Variants in SLC9A3 observed in about 807,000 individuals in gnomAD.
The protein encoded by SLC9A3 is solute carrier family 9 member A3.
Under a neutral mutation model 86.8 loss-of-function variants are expected in SLC9A3, and 37 were observed. The ratio of observed to expected loss-of-function variants is 0.43; its 90% CI spans 0.33 to 0.56. The LOEUF (loss-of-function observed/expected upper bound fraction) is 0.56, where lower values mean the gene tolerates loss of function less well. Ranked by LOEUF, SLC9A3 falls within the 20% of genes least tolerant of loss-of-function variation. SLC9A3 has a pLI of 0.06. For synonymous variants in SLC9A3, 581 were observed against 528.3 expected (o/e 1.10, Z -1.37); for missense variants, 1,011 against 1,171.9 (o/e 0.86, Z 2.00).
chr5:521,443 C>G (rs1733882798), intron 1 of SLC9A3, among the ~76,000 whole-genome samples: 1 of 152,218 alleles, frequency 6.6e-6, no homozygotes, highest in Admixed American at 6.5e-5. Flanking sequence ...ATTTCCCCAA[C>G]CAGGTTACAA....
rs143561941 is a variant in SLC9A3 at position 496,111 on chromosome 5, C to G, written c.212-4040G>C. On this transcript the variant is annotated intron_variant, in intron 1 of 16. Transcript: ENST00000264938. This position sits in a 1 kb window ranked among gnomAD's most constrained non-coding sequence, Gnocchi z 4.7. The stretch of plus-strand genomic sequence containing the variant: ...AAACATCCTCTGACCTTGGTAGTTA[C>G]TGAGAAAATATACATATATACGCAC... 4.5e-3 allele frequency among the ~76,000 whole-genome samples: 691 copies of G among 152,366 alleles called. 5 individuals are homozygous for G. The highest frequency in any genetic ancestry group is 0.016 in the African/African-American group (667 of 41,584).
chr5:480,927 G>T (rs1445316017), intron 9 of SLC9A3: 1 of 152,282 alleles, frequency 6.6e-6, no homozygotes, highest in Non-Finnish European at 1.5e-5. Context: ...GTCTCGCTCT[G>T]TCACCAGGCT....
rs536554381 is a variant in SLC9A3 at position 482,933 on chromosome 5, G to A, written c.1154-183C>T. Among the ~76,000 whole-genome samples the A allele has an allele frequency of 4.0e-4, 61 of 151,400 alleles. 1 individual carries two copies. In the East Asian group the frequency reaches 0.011, roughly 27 times the overall value. On this transcript the variant is annotated intron_variant, in intron 6 of 16. Transcript: ENST00000264938. ...CACCCGGAGCCACACGCGGCCTGGCGTCTCCCCCCCACGCTCCGTGCATCA... is the reference window on the plus strand; with the variant it reads ...CACCCGGAGCCACACGCGGCCTGGCATCTCCCCCCCACGCTCCGTGCATCA...
chr5:488,179 A>AG lies in SLC9A3; in HGVS notation c.675+136dup, dbSNP rs1012201867. 75 of 878,274 alleles carry AG rather than the reference A, an allele frequency of 8.5e-5. No homozygotes were observed. The African/African-American group carries it at 1.2e-3, about 14-fold the overall frequency. The allele number at this position is 878,274 out of a possible 1,614,324, so 54.4% of individuals were successfully genotyped here. On this transcript the variant is annotated intron_variant, in intron 3 of 16. Transcript: ENST00000264938. ...TTCTGAGCTGGGAGGAAGGAGGTGG[A>AG]GGGACGGGACGCCCCCGGGAGGGGA... is the stretch of plus-strand genomic sequence containing the variant.
In SLC9A3 at chr5:471,602, G is replaced by T. The variant is rs1394340547; in HGVS notation, c.*1777C>A. 1 of 365,402 alleles carries T rather than the reference G, an allele frequency of 2.7e-6. No individual in the cohort carries two copies. Among genetic ancestry groups the T allele is most frequent in the Non-Finnish European group, 5.4e-6 (1 of 184,724 alleles). 22.6% of individuals were successfully genotyped at this position (365,402 alleles called of 1,614,324 possible). On this transcript the variant is annotated 3_prime_UTR_variant, in exon 17 of 17. Coordinates refer to ENST00000264938, the MANE Select transcript of SLC9A3 (RefSeq NM_004174.4). ...CAGCAGGGAACCAGGGCTGGCCTTG[G>T]ATCTGTCCAGTAGGGTCACTGACTG...
intron 1 of SLC9A3, among the ~76,000 whole-genome samples, chr5:495,002 C>T (rs973640018): frequency 5.9e-5 from 9 of 152,152 alleles, no homozygotes; most frequent in Non-Finnish European, 1.2e-4. Context: ...GTGGAGCAGC[C>T]AGCGGGGCAC....
At chr5:506,213 C>T (rs754910764) in intron 1 of SLC9A3, among the ~76,000 whole-genome samples, 6 of 152,104 alleles carry the variant, frequency 3.9e-5, no homozygotes, top group South Asian at 2.1e-4. Context: ...TTTGCCCGGA[C>T]GCAGCAGCCG....
chr5:492,860 T>G (rs10475269), intron 1 of SLC9A3, among the ~76,000 whole-genome samples: 3 of 152,002 alleles, frequency 2.0e-5, no homozygotes, highest in Non-Finnish European at 4.4e-5. Context: ...TGTGGCCCCC[T>G]CTCCTCGTGC....
rs375973207 is a variant in SLC9A3, at chr5:491,980, C to T, written c.303G>A (p.Ala101=). ...LGLVLGGIVW[A]ADHIASFTLT... is the part of the protein sequence containing the mutation. The stretch of plus-strand genomic sequence containing the variant: ...GTGTGAAGGACGCGATGTGGTCGGC[C>T]GCCCAGACGATGCCGCCCAGCACCA... The change falls in exon 2 of 17, where the codon GCG becomes GCA. Residue 101 remains alanine (A), a synonymous_variant. Transcript: ENST00000264938. The surrounding 1 kb of genome is among the most constrained non-coding windows in gnomAD (Gnocchi z 9.2). 431 of 1,604,478 alleles carry T rather than the reference C, an allele frequency of 2.7e-4. 3 individuals are homozygous for T. The South Asian group carries it at 3.8e-3, about 14-fold the overall frequency.
intron 1 of SLC9A3, among the ~76,000 whole-genome samples, chr5:517,995 A>G (rs1056996930): frequency 2.6e-5 from 4 of 151,994 alleles, no homozygotes; most frequent in African/African-American, 9.7e-5. Flanking sequence ...TCATCAATCC[A>G]CGCATCCATC....
intron 1 of SLC9A3, among the ~76,000 whole-genome samples, chr5:522,272 GTT>G (rs1483425487): frequency 1.3e-5 from 2 of 152,254 alleles, no homozygotes; most frequent in Admixed American, 1.3e-4. Flanking sequence ...CAGTCCAAGT[GTT>G]TGGGAGACCT....
At chr5:473,883 C>G (rs1027121081) in intron 16 of SLC9A3, among the ~76,000 whole-genome samples, 1 of 152,238 alleles carries the variant, frequency 6.6e-6, no homozygotes, top group Admixed American at 6.5e-5. Flanking sequence ...GGGCGTCTGT[C>G]TGGCTTCCCC....
rs552263750 is a variant in SLC9A3 at position 471,553 on chromosome 5, C to G, written c.*1826G>C. 6.8e-5 allele frequency: 24 copies of G among 351,792 alleles called. No homozygotes were observed. Among genetic ancestry groups the G allele is most frequent in the South Asian group, 4.9e-4 (23 of 46,592 alleles). The allele number at this position is 351,792 out of a possible 1,614,324, so 21.8% of individuals were successfully genotyped here. A position where few individuals can be genotyped will look rare whatever the true frequency, so the allele number is the denominator to read the frequency against. On this transcript the variant is annotated 3_prime_UTR_variant, in exon 17 of 17. Transcript: ENST00000264938. The stretch of plus-strand genomic sequence containing the variant: ...GGGAAGGCCAGGCCCCGGCCTGCTC[C>G]GATGAACGTCAGGACGGTGGCTGCA...
At position 524,106 on chromosome 5, in the gene SLC9A3, A is replaced by G; in HGVS notation, c.211+6T>C. ...GGGCAGATCCGGAGACCCCGGGGCC[A>G]CTTACCGATCTTGGCCAAGCTGGCC... On this transcript the variant is annotated splice_donor_region_variant and intron_variant, in intron 1 of 16. Coordinates refer to ENST00000264938, the MANE Select transcript of SLC9A3 (RefSeq NM_004174.4). The G allele has an allele frequency of 6.7e-7, 1 of 1,497,028 alleles. No homozygotes were observed. The highest frequency in any genetic ancestry group is 8.9e-7 in the Non-Finnish European group (1 of 1,119,876). The allele number at this position is 1,497,028 out of a possible 1,614,324, so 92.7% of individuals were successfully genotyped here.
chr5:505,843 G>T (rs373098090), intron 1 of SLC9A3, among the ~76,000 whole-genome samples: 3 of 148,632 alleles, frequency 2.0e-5, no homozygotes, highest in African/African-American at 7.5e-5. Flanking sequence ...GGGGAAAGTG[G>T]CCATGTTGGG....
At chr5:507,555 G>A (rs1323072415) in intron 1 of SLC9A3, among the ~76,000 whole-genome samples, 5 of 151,680 alleles carry the variant, frequency 3.3e-5, no homozygotes, top group African/African-American at 4.9e-5. Flanking sequence ...GTGAGCCACC[G>A]CGCCCATTCT....
At chr5:486,615 T>A (rs1231563241) in intron 3 of SLC9A3, among the ~76,000 whole-genome samples, 2 of 152,134 alleles carry the variant, frequency 1.3e-5, no homozygotes, top group African/African-American at 2.4e-5. Flanking sequence ...ACCTCTGTCA[T>A]GGGCCAAATT....
intron 1 of SLC9A3, among the ~76,000 whole-genome samples, chr5:500,145 C>T (rs1740195225): frequency 6.6e-6 from 1 of 152,262 alleles, no homozygotes; most frequent in African/African-American, 2.4e-5. Flanking sequence ...TGTCTGAGGC[C>T]TTAAGGAAAT....
intron 11 of SLC9A3, chr5:477,126 C>G (rs963045158): frequency 1.5e-5 from 8 of 537,666 alleles, no homozygotes; most frequent in Admixed American, 1.3e-4. Context: ...CTGCCCCTCC[C>G]TTTCACCTTC....
Sources: gnomAD v4.1 joint callset for allele counts (sites outside exome capture counted in the v4.1 genomes callset) on GRCh38, gnomAD v4.1.1 for gene constraint, Gnocchi (gnomAD v3.1) non-coding constraint, MANE v1.5 for transcripts, NCBI Gene and HGNC (gene_info 2026-07-23, HGNC 2026-07-21) for gene names.